Variants in OSBPL8 observed in about 807,000 individuals in gnomAD.
OSBPL8 encodes oxysterol binding protein like 8.
A neutral mutation model predicts 125.5 loss-of-function variants in OSBPL8; 59 were observed. The observed-to-expected ratio is 0.47, with a 90% CI of 0.38 to 0.58. The LOEUF is 0.58. OSBPL8 is among the 20% of genes least tolerant of loss of function. The probability of loss-of-function intolerance (pLI) is 0.00; values close to 1 mark genes in which losing one functional copy is unlikely to be tolerated. For missense variants in OSBPL8, 758 were observed against 1,047.8 expected (o/e 0.72, Z 3.82); for synonymous variants, 330 against 338.9 (o/e 0.97, Z 0.29).
In OSBPL8 at chr12:76,506,249, A is replaced by G. The variant is rs559244947; in HGVS notation, c.-67-18631T>C. On this transcript the variant is annotated intron_variant, in intron 1 of 23. Transcript: ENST00000261183. The stretch of plus-strand genomic sequence containing the variant: ...GAAGACTTGGGGAAGAAAGGGATGG[A>G]TATCAGGAGCTCCTTTTGGACTTGT... Among the ~76,000 whole-genome samples the G allele has an allele frequency of 2.0e-4, 31 of 152,320 alleles. 1 individual carries two copies. The South Asian group carries it at 3.5e-3, about 17-fold the overall frequency.
At chr12:76,376,601 T>C (rs549365474) in intron 16 of OSBPL8, among the ~76,000 whole-genome samples, 2 of 152,364 alleles carry the variant, frequency 1.3e-5, no homozygotes, top group South Asian at 4.1e-4. Flanking sequence ...AATATAGTTT[T>C]ATTTTTTCTA....
At chr12:76,453,392 G>A (rs1257015399) in intron 3 of OSBPL8, among the ~76,000 whole-genome samples, 1 of 152,142 alleles carries the variant, frequency 6.6e-6, no homozygotes, top group Admixed American at 6.5e-5. Flanking sequence ...CTGATGCAGA[G>A]AGATAAATTG....
At chr12:76,495,681 C>A (rs1879196529) in intron 1 of OSBPL8, among the ~76,000 whole-genome samples, 1 of 151,330 alleles carries the variant, frequency 6.6e-6, no homozygotes, top group East Asian at 1.9e-4. Flanking sequence ...AGAAAAACCA[C>A]TGAATGATTT....
intron 1 of OSBPL8, among the ~76,000 whole-genome samples, chr12:76,509,471 C>T (rs761822454): frequency 2.6e-5 from 4 of 152,132 alleles, no homozygotes; most frequent in East Asian, 1.9e-4. Flanking sequence ...CCTATTCATA[C>T]GTACTTTGAA....
chr12:76,412,465 T>A (rs1868270043), intron 4 of OSBPL8, among the ~76,000 whole-genome samples: 1 of 152,180 alleles, frequency 6.6e-6, no homozygotes, highest in South Asian at 2.1e-4. Flanking sequence ...CTTTCCCTAC[T>A]CTTCCATTTT....
intron 3 of OSBPL8, among the ~76,000 whole-genome samples, chr12:76,451,376 G>A (rs1158119381): frequency 6.6e-6 from 1 of 151,228 alleles, no homozygotes; most frequent in Non-Finnish European, 1.5e-5. Context: ...AACATATAAA[G>A]ATACTCAGCC....
chr12:76,396,044 G>GTA (rs962865865), intron 8 of OSBPL8, among the ~76,000 whole-genome samples: 9 of 150,274 alleles, frequency 6.0e-5, no homozygotes, highest in Non-Finnish European at 1.3e-4. Flanking sequence ...TTTTGTATAT[G>GTA]TATATATATG....
chr12:76,375,979 T>C lies in OSBPL8; in HGVS notation c.1730-609A>G, dbSNP rs1952805671. On this transcript the variant is annotated intron_variant, in intron 16 of 23. Coordinates refer to ENST00000261183, the MANE Select transcript of OSBPL8 (RefSeq NM_020841.5). ...GTTCAATGTTAATGAATCAATAATA[T>C]GTAATTAATGTTATAATTACATCAG... 2.0e-5 allele frequency among the ~76,000 whole-genome samples: 3 copies of C among 152,190 alleles called. 1 individual carries two copies. In the South Asian group the frequency reaches 6.2e-4, roughly 31 times the overall value.
intron 1 of OSBPL8, among the ~76,000 whole-genome samples, chr12:76,517,154 T>C (rs972745961): frequency 6.6e-6 from 1 of 152,140 alleles, no homozygotes; most frequent in Non-Finnish European, 1.5e-5. Flanking sequence ...TATATAAGGG[T>C]TGGCTTTGTG....
At chr12:76,392,270 A>G (rs1447009361) in intron 10 of OSBPL8, among the ~76,000 whole-genome samples, 1 of 152,236 alleles carries the variant, frequency 6.6e-6, no homozygotes, top group African/African-American at 2.4e-5. Flanking sequence ...TATAGACAGG[A>G]GAAAAGCGTA....
chr12:76,504,498 G>C (rs948452085), intron 1 of OSBPL8, among the ~76,000 whole-genome samples: 2 of 152,174 alleles, frequency 1.3e-5, no homozygotes, highest in Non-Finnish European at 2.9e-5. Flanking sequence ...AGGTGGAAGA[G>C]AGACATAAAC....
chr12:76,356,796 T>G, intron 22 of OSBPL8, 68 bp from the exon 23 acceptor site: 1 of 1,101,442 alleles, frequency 9.1e-7, no homozygotes, highest in Non-Finnish European at 1.3e-6. Flanking sequence ...ATGTGTCTCA[T>G]GTAATAAAAA....
intron 16 of OSBPL8, among the ~76,000 whole-genome samples, chr12:76,376,881 C>T (rs1248243826): frequency 6.6e-6 from 1 of 152,028 alleles, no homozygotes; most frequent in Non-Finnish European, 1.5e-5. Flanking sequence ...ACCTATCAAC[C>T]CATCATCTAC....
intron 2 of OSBPL8, among the ~76,000 whole-genome samples, chr12:76,474,430 CACAT>C (rs1375937315): frequency 6.6e-6 from 1 of 150,544 alleles, no homozygotes; most frequent in Non-Finnish European, 1.5e-5. Context: ...TGTATGTACA[CACAT>C]ACATATATAT....
rs1954110403 is a variant in OSBPL8 at position 76,402,901 on chromosome 12, T to C, written c.289-135A>G. On this transcript the variant is annotated intron_variant, in intron 5 of 23. Coordinates refer to ENST00000261183, the MANE Select transcript of OSBPL8 (RefSeq NM_020841.5). ...AAGCAAATGTCAATTTTCAATAGAA[T>C]TTTCCCTATATGTCTTTAAAAATGA... 11 of 649,518 alleles carry C rather than the reference T, an allele frequency of 1.7e-5. No homozygotes were observed. In the South Asian group the frequency reaches 2.2e-4, roughly 13 times the overall value. 40.2% of individuals were successfully genotyped at this position (649,518 alleles called of 1,614,324 possible).
At chr12:76,449,002 ACT>A (rs1450420322) in intron 4 of OSBPL8, among the ~76,000 whole-genome samples, 5 of 152,070 alleles carry the variant, frequency 3.3e-5, no homozygotes, top group Admixed American at 1.3e-4. Context: ...ACAGAGCAAG[ACT>A]CTGTCTCAAA....
chr12:76,497,881 A>G (rs1182385303), intron 1 of OSBPL8, among the ~76,000 whole-genome samples: 1 of 152,192 alleles, frequency 6.6e-6, no homozygotes, highest in Non-Finnish European at 1.5e-5. Flanking sequence ...GGGCATTTTT[A>G]TATCAAAAAT....
At chr12:76,368,453 T>TG (rs112150096) in intron 21 of OSBPL8, among the ~76,000 whole-genome samples, 27,846 of 152,010 alleles carry the variant, frequency 0.18, 2,702 homozygotes, top group Middle Eastern at 0.25. Flanking sequence ...ATTTGGGGAT[T>TG]GGGGGGTCTT....
chr12:76,379,338 G>GT (rs1952945669), intron 15 of OSBPL8, among the ~76,000 whole-genome samples: 1 of 152,048 alleles, frequency 6.6e-6, no homozygotes, highest in Non-Finnish European at 1.5e-5. Context: ...TTTCTTCTAA[G>GT]TTTTCTCCTG....
Sources: gnomAD v4.1 joint callset for allele counts (sites outside exome capture counted in the v4.1 genomes callset) on GRCh38, gnomAD v4.1.1 for gene constraint, MANE v1.5 for transcripts, NCBI Gene and HGNC (gene_info 2026-07-23, HGNC 2026-07-21) for gene names.